The following VPS26C variants were observed in gnomAD, a reference collection of about 807,000 sequenced individuals.
VPS26C encodes vacuolar protein sorting-associated protein 26C.
In VPS26C, 19 loss-of-function variants were observed where a neutral mutation model predicts 30.6. The observed-to-expected ratio is 0.62, with a 90% confidence interval of 0.43 to 0.91. The LOEUF (loss-of-function observed/expected upper bound fraction) is 0.91, where lower values mean the gene tolerates loss of function less well. Ranked by LOEUF, VPS26C falls within the 40% of genes least tolerant of loss-of-function variation. The pLI is 0.00. For synonymous variants in VPS26C, 132 were observed against 151.5 expected, an observed-to-expected ratio of 0.87 and a Z score of 0.95; for missense variants, 318 against 385.1, an observed-to-expected ratio of 0.83 and a Z score of 1.46.
chr21:37,247,220 CAG>C (rs2086146395), intron 1 of VPS26C, among the ~76,000 whole-genome samples: 4 of 152,176 alleles, frequency 2.6e-5, no homozygotes, highest in Admixed American at 2.6e-4. Context: ...CACATCATCA[CAG>C]AGAGCTCTAC....
intron 1 of VPS26C, chr21:37,266,704 T>C (rs1382985435): frequency 6.5e-6 from 1 of 154,184 alleles, no homozygotes; most frequent in African/African-American, 2.4e-5. Context: ...AGTCGAAGAA[T>C]AAAACCAGAA....
At chr21:37,231,977 T>G (rs2085969451) in intron 5 of VPS26C, 1 of 187,018 alleles carries the variant, frequency 5.3e-6, no homozygotes. Context: ...ATGGGAATGC[T>G]GGGGAAGAAA....
chr21:37,227,810 C>T lies in VPS26C; in HGVS notation c.659-4G>A, dbSNP rs373901692. On this transcript the variant is annotated splice_polypyrimidine_tract_variant and splice_region_variant and intron_variant, in intron 6 of 7. Transcript: ENST00000309117. Reference sequence around the variant, plus strand: ...CGGGCATAGCCTTCTGCACACCCTGCGGGAGGGAGGCCACATCACGCGGTC... The same window carrying T: ...CGGGCATAGCCTTCTGCACACCCTGTGGGAGGGAGGCCACATCACGCGGTC... 2.6e-5 allele frequency: 42 copies of T among 1,612,554 alleles called. No individual in the cohort carries two copies. The highest frequency in any genetic ancestry group is 1.1e-4 in the African/African-American group (8 of 74,590).
chr21:37,232,553 T>C, intron 4 of VPS26C, 102 bp from the exon 5 acceptor site: 2 of 976,194 alleles, frequency 2.0e-6, no homozygotes, highest in South Asian at 1.3e-5. Context: ...AGCCTGGCGA[T>C]GCAGGAAGGA....
At chr21:37,265,939 A>T (rs2086356330) in intron 1 of VPS26C, among the ~76,000 whole-genome samples, 1 of 94,446 alleles carries the variant, frequency 1.1e-5, no homozygotes, top group Admixed American at 1.5e-4. Flanking sequence ...TTTTTTTGAG[A>T]CGGGGTCTCA....
intron 6 of VPS26C, 43 bp downstream of exon 6, chr21:37,228,180 G>A (rs372201969): frequency 2.4e-5 from 39 of 1,595,230 alleles, no homozygotes; most frequent in Admixed American, 3.4e-5. Flanking sequence ...GGTGGCAGTC[G>A]AGGGGGACAG....
chr21:37,250,626 G>C (rs1429689946), intron 1 of VPS26C, among the ~76,000 whole-genome samples: 1 of 106 alleles, frequency 9.4e-3, no homozygotes, highest in East Asian at 0.17. Flanking sequence ...TGAAAGGCTG[G>C]GCGCGGTGCT....
intron 1 of VPS26C, among the ~76,000 whole-genome samples, chr21:37,245,581 C>T (rs1361745155): frequency 2.6e-5 from 4 of 152,166 alleles, no homozygotes; most frequent in Non-Finnish European, 5.9e-5. Flanking sequence ...TTACACCTTC[C>T]AAAATAAGAC....
chr21:37,261,403 G>A (rs975044323), intron 1 of VPS26C: 4 of 152,044 alleles, frequency 2.6e-5, no homozygotes, highest in African/African-American at 9.6e-5. Flanking sequence ...TCATAGTTTC[G>A]GATCTTCTAA....
At chr21:37,266,442 A>G (rs751984620) in intron 1 of VPS26C, among the ~76,000 whole-genome samples, 1 of 152,130 alleles carries the variant, frequency 6.6e-6, no homozygotes, top group Non-Finnish European at 1.5e-5. Flanking sequence ...CTAGCTGCAC[A>G]TATATCACCG....
chr21:37,228,597 T>C, intron 5 of VPS26C: 1 of 494,640 alleles, frequency 2.0e-6, no homozygotes, highest in South Asian at 2.3e-5. Context: ...TGACACTCTG[T>C]GTACAGAGAA....
chr21:37,231,517 C>T (rs1439493494), intron 5 of VPS26C: 2 of 152,344 alleles, frequency 1.3e-5, no homozygotes, highest in African/African-American at 4.8e-5. Flanking sequence ...CCCCACGACA[C>T]ATGTCCAGCC....
chr21:37,246,576 TAAG>T (rs1231883732), intron 1 of VPS26C, among the ~76,000 whole-genome samples: 4 of 152,298 alleles, frequency 2.6e-5, no homozygotes, highest in African/African-American at 7.2e-5. Context: ...CATTTAATTG[TAAG>T]AAGAAGACTG....
At chr21:37,260,346 C>T (rs186748512) in intron 1 of VPS26C, among the ~76,000 whole-genome samples, 35 of 152,176 alleles carry the variant, frequency 2.3e-4, no homozygotes, top group African/African-American at 8.0e-4. Flanking sequence ...TAACACAATT[C>T]CTGATTATCT....
In VPS26C at chr21:37,226,135, G is replaced by GA; in HGVS notation, c.812-510_812-509insT. On this transcript the variant is annotated intron_variant, in intron 7 of 7. Transcript: ENST00000309117. This position sits in a 1 kb window ranked among gnomAD's most constrained non-coding sequence, Gnocchi z 4.1. Reference sequence around the variant, plus strand: ...TTCATCCATCACCTTTCAGCAAACAGGATTCCTTCTCCACCGACTCTTCAG... The same window carrying GA: ...TTCATCCATCACCTTTCAGCAAACAGAGATTCCTTCTCCACCGACTCTTCAG... The GA allele has an allele frequency of 1.3e-5, 2 of 157,024 alleles. No homozygotes were observed. The highest frequency in any genetic ancestry group is 2.4e-5 in the African/African-American group (1 of 41,718). 9.7% of individuals were successfully genotyped at this position (157,024 alleles called of 1,614,324 possible).
chr21:37,245,717 C>CCAGAAGAAAAATCCATAACAT (rs1217915828), intron 1 of VPS26C, among the ~76,000 whole-genome samples: 2 of 152,046 alleles, frequency 1.3e-5, no homozygotes, highest in East Asian at 3.9e-4. Flanking sequence ...CGATCATTCA[C>CCAGAAGAAAAATCCATAACAT]CAGAAGAAAA....
chr21:37,258,022 C>A (rs1283484440), intron 1 of VPS26C, among the ~76,000 whole-genome samples: 8 of 152,190 alleles, frequency 5.3e-5, no homozygotes, highest in Non-Finnish European at 1.0e-4. Context: ...GGAGATGAGA[C>A]CCTCGTGAAG....
intron 3 of VPS26C, 139 bp downstream of exon 3, chr21:37,238,321 G>A (rs1175347058): frequency 4.0e-5 from 38 of 947,100 alleles, no homozygotes; most frequent in Middle Eastern, 4.7e-4. Flanking sequence ...AGAAATTAAC[G>A]TCGAATATAC....
rs2085985046 is a variant in VPS26C at position 37,233,261 on chromosome 21, A to G, written c.432+101T>C. 1.9e-6 allele frequency: 2 copies of G among 1,031,646 alleles called. No homozygotes were observed. Among genetic ancestry groups the G allele is most frequent in the African/African-American group, 3.1e-5 (2 of 63,526 alleles). 63.9% of individuals were successfully genotyped at this position (1,031,646 alleles called of 1,614,324 possible). ...TTGTGTCTTCTGCCAGCACCCGTGA[A>G]ACAGTAAGAGGCTAAATGGTGAGCT... On this transcript the variant is annotated intron_variant, in intron 4 of 7. Coordinates refer to ENST00000309117, the MANE Select transcript of VPS26C (RefSeq NM_006052.2). The surrounding 1 kb of genome is among the most constrained non-coding windows in gnomAD (Gnocchi z 5.2).
Sources: allele counts gnomAD v4.1 joint callset (sites outside exome capture counted in the v4.1 genomes callset), GRCh38; gene constraint gnomAD v4.1.1; non-coding constraint Gnocchi (gnomAD v3.1); transcripts MANE v1.5; gene names NCBI Gene and HGNC (gene_info 2026-07-23, HGNC 2026-07-21).